THAP3: variants seen among roughly 807,000 people sequenced by gnomAD.
The protein encoded by THAP3 is THAP domain containing 3, also known as THAP domain-containing protein 3.
THAP3 carries 12 observed loss-of-function variants against 17.7 expected under a neutral mutation model. The observed-to-expected ratio is 0.68, with a 90% CI of 0.43 to 1.10. The LOEUF (loss-of-function observed/expected upper bound fraction) is 1.10. Among genes scored for constraint, THAP3 ranks in the 50% least tolerant of loss-of-function variants. The pLI, the probability that THAP3 is intolerant of heterozygous loss-of-function variation, is 0.00. For synonymous variants in THAP3, 133 were observed against 126.9 expected (o/e 1.05, Z -0.32); for missense variants, 289 against 318.0 (o/e 0.91, Z 0.69).
At chr1:6,634,662 C>T (rs766599441), downstream of THAP3, 7 of 1,366,440 alleles carry the variant, frequency 5.1e-6, no homozygotes, top group South Asian at 6.8e-5. Context: ...GGTCCTAGCT[C>T]CGCTGCATTC....
In THAP3 at chr1:6,624,873, T is replaced by G. The variant is rs1263946399; in HGVS notation, c.-151T>G. The G allele has an allele frequency of 6.0e-6, 2 of 331,094 alleles. No individual in the cohort carries two copies. The allele number at this position is 331,094 out of a possible 1,614,324, so 20.5% of individuals were successfully genotyped here. ...GAGGGGTTGGCCGTTGGTTTCCAGTTGTCCAAGCCTGTGAGTGGCTATGCG... is the reference window on the plus strand; with the variant it reads ...GAGGGGTTGGCCGTTGGTTTCCAGTGGTCCAAGCCTGTGAGTGGCTATGCG... On this transcript the variant is annotated 5_prime_UTR_variant, in exon 1 of 6. Transcript: ENST00000054650.
intron 2 of THAP3, chr1:6,628,263 C>T (rs1321040055): frequency 4.3e-5 from 21 of 489,976 alleles, no homozygotes; most frequent in African/African-American, 6.1e-5. Flanking sequence ...AATGTAGCAT[C>T]GGAAGCAGCT....
In THAP3 at chr1:6,625,139, C is replaced by T. The variant is rs564287547; in HGVS notation, c.-69-11C>T. The T allele has an allele frequency of 9.1e-6, 13 of 1,434,438 alleles. No individual in the cohort carries two copies. In the African/African-American group the frequency reaches 1.2e-4, roughly 13 times the overall value. 88.9% of individuals were successfully genotyped at this position (1,434,438 alleles called of 1,614,324 possible). On this transcript the variant is annotated splice_polypyrimidine_tract_variant and intron_variant, in intron 1 of 5. Coordinates refer to ENST00000054650, the MANE Select transcript of THAP3 (RefSeq NM_001195753.2). ...GTCACCACCTCCCAGCGGCCCCGCC[C>T]CTCCCCGCAGGTCCCTCCCCTCTCC...
intron 5 of THAP3, 49 bp downstream of exon 5, chr1:6,632,544 C>G: frequency 1.2e-6 from 2 of 1,610,116 alleles, no homozygotes; most frequent in South Asian, 2.2e-5. Context: ...AGATGACTTG[C>G]TCCAAACAAA....
intron 2 of THAP3, 133 bp from the exon 3 acceptor site, chr1:6,628,366 T>C: frequency 1.4e-6 from 1 of 722,930 alleles, no homozygotes; most frequent in Admixed American, 3.3e-5. Flanking sequence ...TTAGATGTGA[T>C]TTAATAAACC....
chr1:6,627,151 T>G (rs1641488374), intron 2 of THAP3, among the ~76,000 whole-genome samples: 1 of 152,208 alleles, frequency 6.6e-6, no homozygotes, highest in South Asian at 2.1e-4. Context: ...TGGATCCTCC[T>G]TATTTCCAGC....
downstream of THAP3, chr1:6,634,809 TG>T (rs1212430905): frequency 3.1e-6 from 4 of 1,279,818 alleles, no homozygotes; most frequent in Non-Finnish European, 3.1e-6. Flanking sequence ...GGGCCGGGCC[TG>T]GGGTCCACGC....
At chr1:6,629,018 A>T (rs1255548533) in intron 3 of THAP3, among the ~76,000 whole-genome samples, 1 of 152,250 alleles carries the variant, frequency 6.6e-6, no homozygotes, top group East Asian at 1.9e-4. Flanking sequence ...CCCAGCCAAC[A>T]TGTTGAAACC....
intron 5 of THAP3, 149 bp from the exon 6 acceptor site, chr1:6,632,647 A>G (rs766827458): frequency 4.1e-5 from 59 of 1,432,730 alleles, no homozygotes; most frequent in Non-Finnish European, 4.8e-5. Flanking sequence ...ATTCTCCACC[A>G]TGGTGTGGGC....
chr1:6,629,284 C>T (rs549760874), intron 3 of THAP3, among the ~76,000 whole-genome samples: 128 of 152,216 alleles, frequency 8.4e-4, no homozygotes, highest in Non-Finnish European at 1.4e-3. Context: ...AGGGCAGTGG[C>T]GGGACAAGCC....
At chr1:6,626,081 G>T (rs1198308857) in intron 2 of THAP3, among the ~76,000 whole-genome samples, 1 of 152,098 alleles carries the variant, frequency 6.6e-6, no homozygotes, top group Non-Finnish European at 1.5e-5. Context: ...GCCGAGGCGG[G>T]AGGATCGCTT....
downstream of THAP3, chr1:6,634,248 G>C (rs1185375232): frequency 1.3e-5 from 11 of 876,570 alleles, no homozygotes; most frequent in Non-Finnish European, 1.9e-5. Context: ...TGGGTGCCCA[G>C]AAGCACCTGC....
At chr1:6,634,135 G>A, downstream of THAP3, 1 of 1,546,082 alleles carries the variant, frequency 6.5e-7, no homozygotes, top group Admixed American at 1.7e-5. Flanking sequence ...CCCTCCTGAA[G>A]ATGAACACAC....
rs750032980 is a variant in THAP3, at chr1:6,628,551, C to T, written c.127C>T (p.Arg43Trp). 20 of 1,613,800 alleles carry T rather than the reference C, an allele frequency of 1.2e-5. No homozygotes were observed. Among genetic ancestry groups the T allele is most frequent in the African/African-American group, 2.7e-5 (2 of 75,044 alleles). The change falls in exon 3 of 6, where the codon CGG (arginine) becomes TGG (tryptophan). Residue 43 changes from arginine to tryptophan, a missense_variant. By Grantham distance (101) the Arg-to-Trp change is moderately radical. Coordinates refer to ENST00000054650, the MANE Select transcript of THAP3 (RefSeq NM_001195753.2). Reference protein sequence around the residue: ...LLKEWVLNIGRGNFKPKQHTV... With the variant: ...LLKEWVLNIGWGNFKPKQHTV... ...GAAGGAATGGGTGCTGAACATCGGC[C>T]GGGGCAACTTCAAGCCCAAGCAGCA... is the stretch of plus-strand genomic sequence containing the variant.
chr1:6,633,624 C>T (rs1301568711), downstream of THAP3: 16 of 1,063,470 alleles, frequency 1.5e-5, 1 homozygote, highest in South Asian at 1.1e-4. Flanking sequence ...GACTGACTTC[C>T]GTGGCCGGGC....
intron 3 of THAP3, among the ~76,000 whole-genome samples, chr1:6,629,125 C>T (rs891712301): frequency 6.6e-6 from 1 of 152,130 alleles, no homozygotes; most frequent in Non-Finnish European, 1.5e-5. Flanking sequence ...TCTCTTGAAC[C>T]GGGAGGCAGA....
chr1:6,630,494 G>GCTT, intron 4 of THAP3, 141 bp downstream of exon 4: 1 of 763,444 alleles, frequency 1.3e-6, no homozygotes, highest in Non-Finnish European at 2.2e-6. Flanking sequence ...TTTTTCTGGA[G>GCTT]GGAAGGCCCA....
At position 6,628,563 on chromosome 1, in the gene THAP3, A is replaced by T; in HGVS notation, c.139A>T (p.Lys47Ter). 6.2e-7 allele frequency: 1 copy of T among 1,613,792 alleles called. No homozygotes were observed. Among genetic ancestry groups the T allele is most frequent in the Non-Finnish European group, 8.5e-7 (1 of 1,179,994 alleles). ...GCTGAACATCGGCCGGGGCAACTTC[A>T]AGCCCAAGCAGCACACGGTCATCTG... ...WVLNIGRGNF[K>*]PKQHTVICSE... Residue 47 changes from lysine (K) to a stop codon, truncating the protein, a stop_gained, in exon 3 of 6, where the codon AAG becomes TAG. Transcript: ENST00000054650. LOFTEE classifies it high-confidence loss of function.
chr1:6,634,901 G>A, downstream of THAP3: 1 of 1,183,210 alleles, frequency 8.5e-7, no homozygotes, highest in Admixed American at 3.6e-5. Context: ...ACTGCACTCT[G>A]GAGGTGGGTG....
Sources: allele counts gnomAD v4.1 joint callset (sites outside exome capture counted in the v4.1 genomes callset), GRCh38; gene constraint gnomAD v4.1.1; transcripts MANE v1.5; gene names NCBI Gene and HGNC (gene_info 2026-07-23, HGNC 2026-07-21).